ARHGEF10L: variants seen among roughly 807,000 people sequenced by gnomAD.
ARHGEF10L encodes the protein Rho guanine nucleotide exchange factor 10 like, also known as rho guanine nucleotide exchange factor 10-like protein.
Under a neutral mutation model 141.2 loss-of-function variants are expected in ARHGEF10L, and 69 were observed. That is an observed-to-expected ratio of 0.49 (90% CI 0.40 to 0.60). ARHGEF10L has a LOEUF of 0.60. Among genes scored for constraint, ARHGEF10L ranks in the 20% least tolerant of loss-of-function variants. ARHGEF10L has a pLI of 0.00. For missense variants in ARHGEF10L, 1,482 were observed against 1,734.3 expected, an observed-to-expected ratio of 0.85 and a Z score of 2.58; for synonymous variants, 711 against 718.5, an observed-to-expected ratio of 0.99 and a Z score of 0.17.
At chr1:17,634,249 C>T (rs1018171394) in intron 16 of ARHGEF10L, 8 of 530,810 alleles carry the variant, frequency 1.5e-5, no homozygotes, top group Non-Finnish European at 2.7e-5. Context: ...TGCTAGTGGC[C>T]CGGTTTTGGG....
chr1:17,613,486 G>A (rs538421806), intron 8 of ARHGEF10L, among the ~76,000 whole-genome samples: 1 of 152,364 alleles, frequency 6.6e-6, no homozygotes, highest in African/African-American at 2.4e-5. Context: ...CTGGGGTGCT[G>A]TGTTAAAAAT....
chr1:17,541,127 C>G (rs2076712175), intron 1 of ARHGEF10L, among the ~76,000 whole-genome samples: 1 of 152,192 alleles, frequency 6.6e-6, no homozygotes, highest in Non-Finnish European at 1.5e-5. Flanking sequence ...GCTCTGTCCC[C>G]AGGCGCTTGC....
chr1:17,581,453 A>G (rs2078559882), intron 2 of ARHGEF10L, among the ~76,000 whole-genome samples: 1 of 152,170 alleles, frequency 6.6e-6, no homozygotes, highest in Non-Finnish European at 1.5e-5. Context: ...CAGACACTGC[A>G]GGTGGAATCC....
intron 4 of ARHGEF10L, among the ~76,000 whole-genome samples, chr1:17,595,981 G>A (rs924679511): frequency 7.2e-5 from 11 of 152,128 alleles, no homozygotes; most frequent in Admixed American, 4.6e-4. Context: ...AACTTGTCCC[G>A]GTGCACACAG....
At chr1:17,600,986 G>T (rs551564800) in intron 4 of ARHGEF10L, among the ~76,000 whole-genome samples, 5 of 148,678 alleles carry the variant, frequency 3.4e-5, no homozygotes, top group African/African-American at 1.2e-4. Flanking sequence ...GGAGGCAGAG[G>T]TTGCAGTGAG....
At chr1:17,651,760 G>A (rs1255380264) in intron 22 of ARHGEF10L, among the ~76,000 whole-genome samples, 1 of 152,192 alleles carries the variant, frequency 6.6e-6, no homozygotes, top group Non-Finnish European at 1.5e-5. Context: ...GAGCGCCAGG[G>A]CTAGTGGAGG....
Position 17,588,437 on chromosome 1 carries a change from C to CT in ARHGEF10L, c.224-5dup. 1 of 1,613,976 alleles carries CT rather than the reference C, an allele frequency of 6.2e-7. No individual in the cohort carries two copies. The highest frequency in any genetic ancestry group is 8.5e-7 in the Non-Finnish European group (1 of 1,179,920). On this transcript the variant is annotated splice_polypyrimidine_tract_variant and intron_variant, in intron 3 of 28. Coordinates refer to ENST00000361221, the MANE Select transcript of ARHGEF10L (RefSeq NM_018125.4). ...CCTGACAGGCTCTCTGTCTGCTCTT[C>CT]TTTTGCAGACCCAGACCCAGCAGCT...
chr1:17,664,119 T>C (rs953538911), intron 25 of ARHGEF10L, among the ~76,000 whole-genome samples: 30 of 151,384 alleles, frequency 2.0e-4, no homozygotes, highest in African/African-American at 6.6e-4. Flanking sequence ...ATGGCATGGG[T>C]GGAGTAGGTG....
chr1:17,576,599 C>T (rs1247448454), intron 1 of ARHGEF10L, among the ~76,000 whole-genome samples: 2 of 152,128 alleles, frequency 1.3e-5, no homozygotes, highest in African/African-American at 2.4e-5. Flanking sequence ...CTCCTATAAC[C>T]CCACCACCCA....
chr1:17,680,713 C>T (rs933407010), intron 26 of ARHGEF10L, among the ~76,000 whole-genome samples: 5 of 148,034 alleles, frequency 3.4e-5, no homozygotes, highest in South Asian at 4.3e-4. Context: ...CTGGAGGAGG[C>T]GGGCACAACC....
rs2060461193 is a variant in ARHGEF10L at position 17,627,641 on chromosome 1, G to C, written c.1584+138G>C. ...GGAGGCCTTGCTCTTCCAAGGATGTGACCTTGGGGATTGGATCCTCAGCGG... is the reference window on the plus strand; with the variant it reads ...GGAGGCCTTGCTCTTCCAAGGATGTCACCTTGGGGATTGGATCCTCAGCGG... On this transcript the variant is annotated intron_variant, in intron 15 of 28. Coordinates refer to ENST00000361221, the MANE Select transcript of ARHGEF10L (RefSeq NM_018125.4). The surrounding 1 kb of genome is among the most constrained non-coding windows in gnomAD (Gnocchi z 4.0). The C allele has an allele frequency of 1.9e-6, 2 of 1,057,682 alleles. No individual in the cohort carries two copies. The highest frequency in any genetic ancestry group is 3.3e-5 in the South Asian group (2 of 60,158). 65.5% of individuals were successfully genotyped at this position (1,057,682 alleles called of 1,614,324 possible). A position where few individuals can be genotyped will look rare whatever the true frequency, so the allele number is the denominator to read the frequency against.
chr1:17,557,742 A>T (rs997349971), intron 1 of ARHGEF10L, among the ~76,000 whole-genome samples: 3 of 152,206 alleles, frequency 2.0e-5, no homozygotes, highest in Non-Finnish European at 4.4e-5. Context: ...GGACTCATGT[A>T]ATTGTAAGGC....
At chr1:17,545,639 G>A (rs2076889850) in intron 1 of ARHGEF10L, among the ~76,000 whole-genome samples, 1 of 152,232 alleles carries the variant, frequency 6.6e-6, no homozygotes, top group Non-Finnish European at 1.5e-5. Flanking sequence ...GGCTTGTGGA[G>A]TTGTGATGTC....
intron 26 of ARHGEF10L, among the ~76,000 whole-genome samples, chr1:17,675,539 A>G (rs1220986177): frequency 3.1e-5 from 4 of 130,314 alleles, no homozygotes; most frequent in Admixed American, 2.3e-4. Flanking sequence ...GGGTGCAGGT[A>G]TGGGTGCAGG....
chr1:17,607,824 C>T lies in ARHGEF10L; in HGVS notation c.456C>T (p.Tyr152=), dbSNP rs114551094. 0.038 allele frequency: 60,481 copies of T among 1,590,648 alleles called. 1,403 individuals carry two copies. The highest frequency in any genetic ancestry group is 0.075 in the South Asian group (6,654 of 89,056). ...CAGGGGCAGAGAGGAACCTGCTCTA[C>T]GAGGATGCGCACCGGGCTGGGGCCC... ...HQPGAERNLL[Y]EDAHRAGAPR... Residue 152 remains tyrosine (Y), a synonymous_variant, in exon 7 of 29, where the codon TAC becomes TAT. Coordinates refer to ENST00000361221, the MANE Select transcript of ARHGEF10L (RefSeq NM_018125.4). The surrounding 1 kb of genome is among the most constrained non-coding windows in gnomAD (Gnocchi z 4.5).
chr1:17,586,430 GC>G (rs2079029929), intron 2 of ARHGEF10L, among the ~76,000 whole-genome samples: 1 of 152,178 alleles, frequency 6.6e-6, no homozygotes, highest in South Asian at 2.1e-4. Context: ...GAACCAAACT[GC>G]CCGTTGGTTT....
intron 7 of ARHGEF10L, among the ~76,000 whole-genome samples, chr1:17,610,561 C>T (rs2101080337): frequency 6.6e-6 from 1 of 152,338 alleles, no homozygotes; most frequent in East Asian, 1.9e-4. Flanking sequence ...CTGCCAGGGA[C>T]TCTACTGAGC....
chr1:17,635,531 C>T (rs764998820), intron 18 of ARHGEF10L, among the ~76,000 whole-genome samples: 1 of 152,240 alleles, frequency 6.6e-6, no homozygotes, highest in African/African-American at 2.4e-5. Flanking sequence ...CTCCCTCCCA[C>T]CACGCCCTCT....
intron 2 of ARHGEF10L, among the ~76,000 whole-genome samples, chr1:17,583,720 C>A (rs2078785635): frequency 6.6e-6 from 1 of 152,156 alleles, no homozygotes; most frequent in African/African-American, 2.4e-5. Flanking sequence ...CCACTCCCTG[C>A]CCAGCAGATT....
Sources: gnomAD v4.1 joint callset for allele counts (sites outside exome capture counted in the v4.1 genomes callset) on GRCh38, gnomAD v4.1.1 for gene constraint, Gnocchi (gnomAD v3.1) non-coding constraint, MANE v1.5 for transcripts, NCBI Gene and HGNC (gene_info 2026-07-23, HGNC 2026-07-21) for gene names.